Variants in MACROD2 observed in about 807,000 individuals in gnomAD.
MACROD2 encodes the protein ADP-ribose glycohydrolase MACROD2.
A neutral mutation model predicts 70.4 loss-of-function variants in MACROD2; 36 were observed. The observed-to-expected ratio is 0.51, with a 90% confidence interval of 0.39 to 0.68. The LOEUF is 0.68. Among genes scored for constraint, MACROD2 ranks in the 30% least tolerant of loss-of-function variants. MACROD2 has a pLI of 0.00. For missense variants in MACROD2, 496 were observed against 538.4 expected (o/e 0.92, Z 0.78); for synonymous variants, 172 against 178.8 (o/e 0.96, Z 0.30).
intron 5 of MACROD2, among the ~76,000 whole-genome samples, chr20:15,121,344 G>C (rs200856820): frequency 6.6e-6 from 1 of 151,602 alleles, no homozygotes; most frequent in Non-Finnish European, 1.5e-5. Flanking sequence ...AAACCCTGTC[G>C]CTACAAAAAA....
intron 5 of MACROD2, among the ~76,000 whole-genome samples, chr20:14,987,827 C>A (rs1164939360): frequency 6.6e-6 from 1 of 151,924 alleles, no homozygotes; most frequent in Non-Finnish European, 1.5e-5. Context: ...CATTAAGATT[C>A]ATTCATATGT....
chr20:14,085,525 C>T (rs2054065913), intron 2 of MACROD2, 96 bp from the exon 3 acceptor site: 2 of 579,294 alleles, frequency 3.5e-6, no homozygotes, highest in Non-Finnish European at 2.8e-6. Context: ...TAGAGCATGA[C>T]ACATATTGGG....
At chr20:15,723,577 A>C (rs1420475165) in intron 8 of MACROD2, among the ~76,000 whole-genome samples, 2 of 152,142 alleles carry the variant, frequency 1.3e-5, no homozygotes, top group African/African-American at 4.8e-5. Context: ...TCACTTAGTA[A>C]TATGCATTTA....
chr20:15,977,564 A>C (rs941454896), intron 13 of MACROD2, among the ~76,000 whole-genome samples: 4 of 152,250 alleles, frequency 2.6e-5, no homozygotes, highest in African/African-American at 7.2e-5. Flanking sequence ...AACTATTTAC[A>C]GACCTTGATG....
chr20:14,392,454 G>C (rs767268399), intron 3 of MACROD2, among the ~76,000 whole-genome samples: 32 of 151,744 alleles, frequency 2.1e-4, no homozygotes, highest in Non-Finnish European at 3.8e-4. Flanking sequence ...CCTTTGAGAG[G>C]GTTTTAAATA....
In MACROD2 at chr20:16,044,615, A is replaced by G; in HGVS notation, c.1276A>G (p.Ser426Gly). The change falls in exon 17 of 18, where the codon AGT (serine) becomes GGT (glycine). Residue 426 changes from serine (S) to glycine (G), a missense_variant. Ser to Gly is a moderately conservative substitution (Grantham distance 56). Transcript: ENST00000684519. ...TGACAAGGTAAATGACCCAACAGAGAGTCAACAAGAAGATCAACTAATAGG... is the reference window on the plus strand; with the variant it reads ...TGACAAGGTAAATGACCCAACAGAGGGTCAACAAGAAGATCAACTAATAGG... Reference protein sequence around the residue: ...QVDKVNDPTESQQEDQLIAGA... With the variant: ...QVDKVNDPTEGQQEDQLIAGA... 2.5e-6 allele frequency: 4 copies of G among 1,612,876 alleles called. No individual in the cohort carries two copies. Among genetic ancestry groups the G allele is most frequent in the Non-Finnish European group, 2.5e-6 (3 of 1,179,338 alleles).
At chr20:14,369,652 T>G (rs929160331) in intron 3 of MACROD2, among the ~76,000 whole-genome samples, 4 of 152,224 alleles carry the variant, frequency 2.6e-5, no homozygotes, top group African/African-American at 9.6e-5. Flanking sequence ...TTTCAGGGCT[T>G]TAGTTATCCA....
intron 5 of MACROD2, among the ~76,000 whole-genome samples, chr20:14,721,425 A>G (rs1410221656): frequency 1.3e-5 from 2 of 152,110 alleles, no homozygotes; most frequent in Non-Finnish European, 2.9e-5. Context: ...AAACCCCCAC[A>G]AAACTCAAGG....
At chr20:14,886,160 C>T (rs1226574312) in intron 5 of MACROD2, among the ~76,000 whole-genome samples, 1 of 152,128 alleles carries the variant, frequency 6.6e-6, no homozygotes, top group African/African-American at 2.4e-5. Flanking sequence ...TAAGGCCCCA[C>T]TGGGCAGGTG....
intron 8 of MACROD2, among the ~76,000 whole-genome samples, chr20:15,565,673 C>T (rs556060327): frequency 5.9e-5 from 9 of 152,236 alleles, no homozygotes; most frequent in South Asian, 2.1e-4. Context: ...TAGAGTTCAG[C>T]GGCACTATCG....
chr20:14,365,283 T>A (rs1214463994), intron 3 of MACROD2, among the ~76,000 whole-genome samples: 1 of 152,006 alleles, frequency 6.6e-6, no homozygotes, highest in African/African-American at 2.4e-5. Flanking sequence ...TCTCTTATAA[T>A]CATTTTTATT....
At chr20:14,464,958 T>C (rs547969850) in intron 3 of MACROD2, among the ~76,000 whole-genome samples, 2 of 152,222 alleles carry the variant, frequency 1.3e-5, no homozygotes, top group East Asian at 3.9e-4. Flanking sequence ...CTTCCAACTA[T>C]GTGGTCAGTT....
intron 2 of MACROD2, among the ~76,000 whole-genome samples, chr20:14,056,692 G>T (rs2053634283): frequency 6.6e-6 from 1 of 151,936 alleles, no homozygotes; most frequent in Non-Finnish European, 1.5e-5. Context: ...AATAAGGAAT[G>T]TACAGTTTCT....
At chr20:15,004,852 T>C (rs2075023663) in intron 5 of MACROD2, among the ~76,000 whole-genome samples, 1 of 152,224 alleles carries the variant, frequency 6.6e-6, no homozygotes, top group Admixed American at 6.5e-5. Context: ...CTTATAAGCA[T>C]TCACTTTGAT....
chr20:15,021,038 G>A (rs1211319555), intron 5 of MACROD2, among the ~76,000 whole-genome samples: 4 of 143,400 alleles, frequency 2.8e-5, no homozygotes, highest in East Asian at 2.2e-4. Context: ...GTGCATATAC[G>A]TATATGCATA....
intron 6 of MACROD2, among the ~76,000 whole-genome samples, chr20:15,345,759 C>T (rs2078159059): frequency 6.6e-6 from 1 of 152,140 alleles, no homozygotes; most frequent in South Asian, 2.1e-4. Context: ...AAGGTGCAGT[C>T]CTGGCTGATC....
chr20:15,719,934 T>G (rs2050764061), intron 8 of MACROD2, among the ~76,000 whole-genome samples: 1 of 152,124 alleles, frequency 6.6e-6, no homozygotes, highest in South Asian at 2.1e-4. Context: ...CCATTGACCA[T>G]CCTCTCTTTA....
rs1377050750 is a variant in MACROD2, at chr20:14,491,054, A to G, written c.272-2425A>G. On this transcript the variant is annotated intron_variant, in intron 3 of 17. Coordinates refer to ENST00000684519, the MANE Select transcript of MACROD2 (RefSeq NM_001351661.2). The stretch of plus-strand genomic sequence containing the variant: ...GAGATAATGAAGTAGAAACTAAATT[A>G]TTATTAATTTTAGACACACAAAAGT... Among the ~76,000 whole-genome samples the G allele has an allele frequency of 4.6e-5, 7 of 152,158 alleles. No individual in the cohort carries two copies. In the East Asian group the frequency reaches 1.3e-3, roughly 29 times the overall value.
At chr20:15,876,127 T>A (rs1483657372) in intron 9 of MACROD2, among the ~76,000 whole-genome samples, 3 of 56,278 alleles carry the variant, frequency 5.3e-5, no homozygotes, top group Admixed American at 2.0e-4. Context: ...GTATTTTTTT[T>A]ATTACACTGT....
Sources: gnomAD v4.1 joint callset for allele counts (sites outside exome capture counted in the v4.1 genomes callset) on GRCh38, gnomAD v4.1.1 for gene constraint, MANE v1.5 for transcripts, NCBI Gene and HGNC (gene_info 2026-07-23, HGNC 2026-07-21) for gene names.